LRP1B: variants seen among roughly 807,000 people sequenced by gnomAD.
LRP1B encodes low-density lipoprotein receptor-related protein 1B.
A neutral mutation model predicts 556.6 loss-of-function variants in LRP1B; 217 were observed. That is an observed-to-expected ratio of 0.39 (90% CI 0.35 to 0.44). LRP1B has a LOEUF of 0.44. Ranked by LOEUF, LRP1B falls within the 20% of genes least tolerant of loss-of-function variation. LRP1B has a pLI of 1.00. For missense variants in LRP1B, 5,053 were observed against 5,620.8 expected, an observed-to-expected ratio of 0.90 and a Z score of 3.23; for synonymous variants, 2,047 against 1,865.8, an observed-to-expected ratio of 1.10 and a Z score of -2.50.
At chr2:142,104,329 A>T (rs1457647705) in intron 1 of LRP1B, among the ~76,000 whole-genome samples, 1 of 152,120 alleles carries the variant, frequency 6.6e-6, no homozygotes, top group African/African-American at 2.4e-5. Context: ...AGCTCTCACA[A>T]TACTGATGCA....
intron 1 of LRP1B, among the ~76,000 whole-genome samples, chr2:142,062,883 A>T (rs1308177496): frequency 6.6e-6 from 1 of 151,726 alleles, no homozygotes; most frequent in Non-Finnish European, 1.5e-5. Context: ...ATTCAAATCA[A>T]GTTTTGTCAG....
intron 1 of LRP1B, among the ~76,000 whole-genome samples, chr2:141,833,987 T>C (rs1335842290): frequency 2.0e-5 from 3 of 146,604 alleles, no homozygotes; most frequent in African/African-American, 5.5e-5. Flanking sequence ...GTAAAGGGCA[T>C]TGCAGAAAGA....
rs186566650 is a variant in LRP1B, at chr2:140,421,026, T to G, written c.10414+21478A>C. 2.3e-3 allele frequency among the ~76,000 whole-genome samples: 346 copies of G among 152,154 alleles called. 3 individuals carry two copies. Among genetic ancestry groups the G allele is most frequent in the Middle Eastern group, 0.017 (5 of 294 alleles). On this transcript the variant is annotated intron_variant, in intron 66 of 90. Transcript: ENST00000389484. Reference sequence around the variant, plus strand: ...ATATCAGCACTTTCAGAGGTCAAGGTGGGTGGATCACCTCCGGTCAGGAAT... The same window carrying G: ...ATATCAGCACTTTCAGAGGTCAAGGGGGGTGGATCACCTCCGGTCAGGAAT...
intron 85 of LRP1B, among the ~76,000 whole-genome samples, 182 bp downstream of exon 85, chr2:140,274,242 T>C (rs945965124): frequency 3.3e-5 from 5 of 152,046 alleles, no homozygotes; most frequent in Admixed American, 6.6e-5. Context: ...ACAATAGATG[T>C]TGAATAAGTT....
At chr2:140,774,612 C>T (rs1216854600) in intron 33 of LRP1B, among the ~76,000 whole-genome samples, 1 of 152,018 alleles carries the variant, frequency 6.6e-6, no homozygotes, top group Non-Finnish European at 1.5e-5. Context: ...TTTTCAGATA[C>T]GATCTCATAT....
chr2:140,907,411 T>C (rs1479796547), intron 22 of LRP1B, among the ~76,000 whole-genome samples: 1 of 152,024 alleles, frequency 6.6e-6, no homozygotes, highest in East Asian at 1.9e-4. Context: ...TTATGTTAAA[T>C]TGGGTCATAT....
At chr2:141,728,553 T>C (rs1368966584) in intron 2 of LRP1B, among the ~76,000 whole-genome samples, 7 of 152,142 alleles carry the variant, frequency 4.6e-5, no homozygotes, top group Non-Finnish European at 1.5e-5. Context: ...TACAAAAAAC[T>C]GTAGACTGAA....
chr2:141,877,185 G>A (rs957257337), intron 1 of LRP1B, among the ~76,000 whole-genome samples: 2 of 151,944 alleles, frequency 1.3e-5, no homozygotes, highest in African/African-American at 2.4e-5. Context: ...ATGTTATAGA[G>A]TGTTAAACAT....
chr2:141,352,302 A>T (rs150402349), intron 3 of LRP1B, among the ~76,000 whole-genome samples: 1,774 of 152,084 alleles, frequency 0.012, 23 homozygotes, highest in Middle Eastern at 0.02. Flanking sequence ...TTCTATAGGT[A>T]GTCAATAAAT....
chr2:140,659,378 T>C, intron 41 of LRP1B, among the ~76,000 whole-genome samples: 1 of 151,940 alleles, frequency 6.6e-6, no homozygotes, highest in South Asian at 2.1e-4. Context: ...ATGGTTTTAT[T>C]TGATGAATAA....
At chr2:141,721,854 A>T (rs546508508) in intron 2 of LRP1B, among the ~76,000 whole-genome samples, 4 of 152,162 alleles carry the variant, frequency 2.6e-5, no homozygotes, top group Non-Finnish European at 5.9e-5. Flanking sequence ...TATCAACTGC[A>T]TCCTTTATCC....
At chr2:140,803,279 T>TG (rs1690583179) in intron 32 of LRP1B, among the ~76,000 whole-genome samples, 1 of 136,354 alleles carries the variant, frequency 7.3e-6, no homozygotes, top group African/African-American at 2.9e-5. Context: ...TTTTTTTTTT[T>TG]TTTTTTTTTT....
chr2:141,604,064 C>T (rs1283161842), intron 2 of LRP1B, among the ~76,000 whole-genome samples: 1 of 151,884 alleles, frequency 6.6e-6, no homozygotes, highest in Non-Finnish European at 1.5e-5. Context: ...GAAAAGCTAC[C>T]AAAAACAAAA....
rs529470743 is a variant in LRP1B at position 141,244,197 on chromosome 2, A to G, written c.592+3029T>C. Among the ~76,000 whole-genome samples, 9 of 152,310 alleles carry G rather than the reference A, an allele frequency of 5.9e-5. No homozygotes were observed. The South Asian group carries it at 1.5e-3, about 25-fold the overall frequency. On this transcript the variant is annotated intron_variant, in intron 5 of 90. Coordinates refer to ENST00000389484, the MANE Select transcript of LRP1B (RefSeq NM_018557.3). ...GCTATTTCTCAGGAACTTTTAATTC[A>G]TCTATCATCTTGTACTGTCTTTGCA...
At chr2:141,733,912 TATA>T (rs1400470599) in intron 2 of LRP1B, among the ~76,000 whole-genome samples, 16 of 152,262 alleles carry the variant, frequency 1.1e-4, no homozygotes, top group African/African-American at 3.1e-4. Context: ...TTATAGAACC[TATA>T]ATGTTTAATT....
At chr2:140,323,570 TTGTGCACA>T (rs1317087729) in intron 81 of LRP1B, among the ~76,000 whole-genome samples, 1 of 143,530 alleles carries the variant, frequency 7.0e-6, no homozygotes, top group South Asian at 2.1e-4. Flanking sequence ...AACCTGCACA[TTGTGCACA>T]TGTACCCTAA....
chr2:141,544,381 T>TCTCCTC (rs1170452147), intron 2 of LRP1B, among the ~76,000 whole-genome samples: 17 of 79,800 alleles, frequency 2.1e-4, no homozygotes, highest in African/African-American at 6.5e-4. Flanking sequence ...TTCTTCTTCT[T>TCTCCTC]CTCCTCCTCC....
At chr2:141,164,541 G>A (rs764241416) in intron 7 of LRP1B, among the ~76,000 whole-genome samples, 5 of 152,066 alleles carry the variant, frequency 3.3e-5, no homozygotes, top group Non-Finnish European at 5.9e-5. Flanking sequence ...TTGAATGTTA[G>A]AGAAGTGATT....
intron 3 of LRP1B, among the ~76,000 whole-genome samples, chr2:141,355,802 T>C (rs1414015261): frequency 6.6e-6 from 1 of 152,128 alleles, no homozygotes; most frequent in Non-Finnish European, 1.5e-5. Context: ...TTAGAGGGTA[T>C]AGTAATAATA....
Sources: gnomAD v4.1 joint callset for allele counts (sites outside exome capture counted in the v4.1 genomes callset) on GRCh38, gnomAD v4.1.1 for gene constraint, MANE v1.5 for transcripts, NCBI Gene and HGNC (gene_info 2026-07-23, HGNC 2026-07-21) for gene names.